Variants in CACNA2D3 observed in about 807,000 individuals in gnomAD.
The protein encoded by CACNA2D3 is calcium voltage-gated channel auxiliary subunit alpha2delta 3.
In CACNA2D3, 60 loss-of-function variants were observed where a neutral mutation model predicts 160.6. The ratio of observed to expected loss-of-function variants is 0.37; its 90% CI spans 0.30 to 0.46. The LOEUF (loss-of-function observed/expected upper bound fraction) is 0.46, where lower values mean the gene tolerates loss of function less well. Ranked by LOEUF, CACNA2D3 falls within the 20% of genes least tolerant of loss-of-function variation. CACNA2D3 has a pLI of 1.00. For missense variants in CACNA2D3, 1,205 were observed against 1,365.0 expected (o/e 0.88, Z 1.85); for synonymous variants, 558 against 492.9 (o/e 1.13, Z -1.75).
At chr3:54,832,421 G>A (rs548187694) in intron 14 of CACNA2D3, among the ~76,000 whole-genome samples, 1 of 152,282 alleles carries the variant, frequency 6.6e-6, no homozygotes, top group Non-Finnish European at 1.5e-5. Flanking sequence ...AAGGAAGTGG[G>A]TGATACCTGC....
chr3:54,628,643 A>C (rs1274474230), intron 10 of CACNA2D3, among the ~76,000 whole-genome samples: 1 of 151,248 alleles, frequency 6.6e-6, no homozygotes, highest in African/African-American at 2.4e-5. Context: ...ATAGCAGTGA[A>C]GATGTTAAGA....
At chr3:55,045,830 T>A (rs74331584) in intron 35 of CACNA2D3, among the ~76,000 whole-genome samples, 7 of 152,102 alleles carry the variant, frequency 4.6e-5, no homozygotes, top group African/African-American at 1.7e-4. Context: ...TTAGTTTTAT[T>A]GATCATTTAA....
At chr3:54,913,388 C>T (rs1175136107) in intron 27 of CACNA2D3, among the ~76,000 whole-genome samples, 2 of 152,258 alleles carry the variant, frequency 1.3e-5, no homozygotes, top group South Asian at 4.1e-4. Context: ...TAACTTTCTC[C>T]TCTTCTGTGT....
intron 12 of CACNA2D3, among the ~76,000 whole-genome samples, chr3:54,754,210 C>G (rs1039089452): frequency 5.3e-5 from 8 of 152,166 alleles, no homozygotes; most frequent in Non-Finnish European, 7.3e-5. Context: ...TGAAGGCCTT[C>G]TTTTCATTTT....
In CACNA2D3 at chr3:54,350,968, GTTTTTTTTTTTTTGTTTGTTTTTTT is replaced by G. The variant is rs1172502361; in HGVS notation, c.321+30425_321+30449del. ...GCTTGGATTTTGAGATCTTGAGTCTGTTTTTTTTTTTTTGTTTGTTTTTTTTTTTTTTTTTTTTGAGACAGAGTCT... is the reference window on the plus strand; with the variant it reads ...GCTTGGATTTTGAGATCTTGAGTCTGTTTTTTTTTTTTTGAGACAGAGTCT... On this transcript the variant is annotated intron_variant, in intron 3 of 37. Coordinates refer to ENST00000474759, the MANE Select transcript of CACNA2D3 (RefSeq NM_018398.3). Among the ~76,000 whole-genome samples the G allele has an allele frequency of 2.0e-4, 11 of 56,134 alleles. No individual in the cohort carries two copies. The South Asian group carries it at 5.5e-3, about 28-fold the overall frequency. 36.8% of individuals were successfully genotyped at this position (56,134 alleles called of 152,430 possible).
chr3:54,504,184 A>C (rs758563825), intron 5 of CACNA2D3, among the ~76,000 whole-genome samples: 1 of 152,178 alleles, frequency 6.6e-6, no homozygotes, highest in Non-Finnish European at 1.5e-5. Context: ...CTTTTCTTAG[A>C]GTATAAAGCA....
intron 5 of CACNA2D3, among the ~76,000 whole-genome samples, chr3:54,520,393 T>C (rs765594798): frequency 9.8e-5 from 15 of 152,338 alleles, no homozygotes; most frequent in Admixed American, 2.0e-4. Flanking sequence ...TTCTGGATGA[T>C]GCTCAGTGTA....
chr3:54,813,080 C>G (rs908078371), intron 13 of CACNA2D3, among the ~76,000 whole-genome samples: 3 of 152,198 alleles, frequency 2.0e-5, no homozygotes, highest in Admixed American at 2.0e-4. Context: ...GAAATGTATC[C>G]TGCACCCAGC....
In CACNA2D3 at chr3:54,135,840, C is replaced by CT. The variant is rs199543793; in HGVS notation, c.204+12247dup. Among the ~76,000 whole-genome samples, 1,457 of 152,306 alleles carry CT rather than the reference C, an allele frequency of 9.6e-3. 22 individuals carry two copies. Among genetic ancestry groups the CT allele is most frequent in the African/African-American group, 0.03 (1,245 of 41,562 alleles). On this transcript the variant is annotated intron_variant, in intron 2 of 37. Coordinates refer to ENST00000474759, the MANE Select transcript of CACNA2D3 (RefSeq NM_018398.3). ...TGAGTGTGTGTGAGGGCTCAGTGGC[C>CT]TGCCGCAGGTCTCACAGTGAATCAG...
intron 2 of CACNA2D3, among the ~76,000 whole-genome samples, chr3:54,167,615 G>A (rs759147117): frequency 6.6e-6 from 1 of 152,188 alleles, no homozygotes. Flanking sequence ...CAGAGAGTGT[G>A]GGAGGAGGGG....
At chr3:54,571,604 C>T (rs1465175490) in intron 8 of CACNA2D3, among the ~76,000 whole-genome samples, 1 of 144,444 alleles carries the variant, frequency 6.9e-6, no homozygotes, top group Non-Finnish European at 1.5e-5. Flanking sequence ...TCCTTGAGCA[C>T]TTAACCAAGT....
At chr3:54,634,274 C>T (rs1699310750) in intron 10 of CACNA2D3, among the ~76,000 whole-genome samples, 1 of 152,170 alleles carries the variant, frequency 6.6e-6, no homozygotes, top group South Asian at 2.1e-4. Context: ...TTTGCCCTTC[C>T]TGGAATATCT....
intron 35 of CACNA2D3, among the ~76,000 whole-genome samples, chr3:55,042,448 C>G (rs1303896195): frequency 6.6e-6 from 1 of 152,036 alleles, no homozygotes; most frequent in Non-Finnish European, 1.5e-5. Flanking sequence ...TTTGTCTGAT[C>G]TTAATTTAGC....
chr3:54,595,767 C>T (rs904304613), intron 9 of CACNA2D3, among the ~76,000 whole-genome samples: 2 of 152,088 alleles, frequency 1.3e-5, no homozygotes, highest in African/African-American at 2.4e-5. Flanking sequence ...ATAAAGAGCA[C>T]TAAAACTGAT....
intron 5 of CACNA2D3, among the ~76,000 whole-genome samples, chr3:54,558,210 G>A (rs1166971753): frequency 6.6e-6 from 1 of 152,180 alleles, no homozygotes; most frequent in Non-Finnish European, 1.5e-5. Context: ...CACCCCTCCT[G>A]TCTGTATGGT....
intron 11 of CACNA2D3, among the ~76,000 whole-genome samples, chr3:54,687,934 G>A (rs1177331041): frequency 6.6e-6 from 1 of 152,164 alleles, no homozygotes; most frequent in Non-Finnish European, 1.5e-5. Flanking sequence ...AGACACCTTA[G>A]CCAACAGGTT....
chr3:54,320,428 C>G lies in CACNA2D3; in HGVS notation c.205-14C>G. 1.4e-6 allele frequency: 2 copies of G among 1,385,782 alleles called. No individual in the cohort carries two copies. The highest frequency in any genetic ancestry group is 1.3e-5 in the South Asian group (1 of 78,166). 85.8% of individuals were successfully genotyped at this position (1,385,782 alleles called of 1,614,324 possible). Reference sequence around the variant, plus strand: ...GGTGTCATGTGTCTTGAATGTTGCCCTCTCTTCTTACAGAAATACAAAGAG... The same window carrying G: ...GGTGTCATGTGTCTTGAATGTTGCCGTCTCTTCTTACAGAAATACAAAGAG... On this transcript the variant is annotated splice_polypyrimidine_tract_variant and intron_variant, in intron 2 of 37. Coordinates refer to ENST00000474759, the MANE Select transcript of CACNA2D3 (RefSeq NM_018398.3).
At chr3:54,224,486 C>T (rs565599218) in intron 2 of CACNA2D3, among the ~76,000 whole-genome samples, 25 of 152,098 alleles carry the variant, frequency 1.6e-4, no homozygotes, top group Non-Finnish European at 2.1e-4. Flanking sequence ...AGTAACGCAT[C>T]GCACTACAAT....
At chr3:54,346,579 A>G (rs993200895) in intron 3 of CACNA2D3, among the ~76,000 whole-genome samples, 2 of 152,198 alleles carry the variant, frequency 1.3e-5, no homozygotes, top group Non-Finnish European at 2.9e-5. Flanking sequence ...AGCAGAAAGT[A>G]CAGAGAACCC....
Sources: gnomAD v4.1 joint callset for allele counts (sites outside exome capture counted in the v4.1 genomes callset) on GRCh38, gnomAD v4.1.1 for gene constraint, MANE v1.5 for transcripts, NCBI Gene and HGNC (gene_info 2026-07-23, HGNC 2026-07-21) for gene names.